Variants in LYPD6 observed in about 807,000 individuals in gnomAD.
The protein encoded by LYPD6 is LY6/PLAUR domain containing 6.
Under a neutral mutation model 22.7 loss-of-function variants are expected in LYPD6, and 15 were observed. The observed-to-expected ratio is 0.66, with a 90% confidence interval of 0.44 to 1.02. The LOEUF is 1.02. Ranked by LOEUF, LYPD6 falls within the 50% of genes least tolerant of loss-of-function variation. The probability of loss-of-function intolerance (pLI) is 0.00; values close to 1 mark genes in which losing one functional copy is unlikely to be tolerated. For missense variants in LYPD6, 189 were observed against 208.4 expected (o/e 0.91, Z 0.57); for synonymous variants, 72 against 77.5 (o/e 0.93, Z 0.37).
intron 1 of LYPD6, among the ~76,000 whole-genome samples, chr2:149,425,366 T>C (rs1329982702): frequency 1.3e-5 from 2 of 152,222 alleles, no homozygotes; most frequent in African/African-American, 4.8e-5. Flanking sequence ...AGTATTATGC[T>C]AGAACTATTA....
At chr2:149,380,080 G>A (rs1385795597) in intron 1 of LYPD6, among the ~76,000 whole-genome samples, 1 of 152,126 alleles carries the variant, frequency 6.6e-6, no homozygotes, top group Non-Finnish European at 1.5e-5. Context: ...GGTATCTGGG[G>A]GAATCTTCCT....
intron 1 of LYPD6, among the ~76,000 whole-genome samples, chr2:149,402,139 A>AG (rs1431150004): frequency 1.3e-5 from 2 of 152,120 alleles, no homozygotes; most frequent in Non-Finnish European, 2.9e-5. Flanking sequence ...TAAAAAAAAA[A>AG]AAGAATAATA....
chr2:149,414,651 T>G (rs1010789735), intron 1 of LYPD6, among the ~76,000 whole-genome samples: 3 of 152,218 alleles, frequency 2.0e-5, no homozygotes, highest in African/African-American at 7.2e-5. Context: ...TGGCCCGTAT[T>G]GAATTCTCAG....
At chr2:149,482,386 C>T in the LYPD6 span, among the ~76,000 whole-genome samples, 24 of 152,284 alleles carry the variant, frequency 1.6e-4, no homozygotes, top group African/African-American at 5.1e-4. Context: ...ATAGACACAA[C>T]AGCTTATTAT....
chr2:149,471,055 C>G lies in LYPD6; in HGVS notation c.*205C>G. 3 of 465,404 alleles carry G rather than the reference C, an allele frequency of 6.4e-6. No individual in the cohort carries two copies. Among genetic ancestry groups the G allele is most frequent in the Non-Finnish European group, 1.2e-5 (3 of 258,944 alleles). 28.8% of individuals were successfully genotyped at this position (465,404 alleles called of 1,614,324 possible). ...GAGTCTAACCGAGACTCATCAAAGC[C>G]TTCTGTCAGTACAGCCCAAGTTCCA... On this transcript the variant is annotated 3_prime_UTR_variant, in exon 5 of 5. Coordinates refer to ENST00000334166, the MANE Select transcript of LYPD6 (RefSeq NM_194317.5).
intron 3 of LYPD6, among the ~76,000 whole-genome samples, chr2:149,450,888 T>C (rs544443059): frequency 7.9e-4 from 121 of 152,340 alleles, no homozygotes; most frequent in Non-Finnish European, 5.9e-4. Context: ...AGAACCATCA[T>C]GAACAGTGAC....
intron 1 of LYPD6, among the ~76,000 whole-genome samples, chr2:149,355,190 G>A (rs1355494813): frequency 6.6e-6 from 1 of 152,134 alleles, no homozygotes; most frequent in Non-Finnish European, 1.5e-5. Context: ...ATGTGCCCAA[G>A]AGAACTACCA....
intron 1 of LYPD6, among the ~76,000 whole-genome samples, chr2:149,421,568 A>G (rs1035534600): frequency 6.6e-6 from 1 of 152,046 alleles, no homozygotes; most frequent in Non-Finnish European, 1.5e-5. Flanking sequence ...CTGTTTTTGT[A>G]GGTCGAAAAT....
At chr2:149,484,288 C>T in the LYPD6 span, among the ~76,000 whole-genome samples, 1 of 152,212 alleles carries the variant, frequency 6.6e-6, no homozygotes, top group South Asian at 2.1e-4. Context: ...CTATCCTGTA[C>T]CTTATTGAAA....
intron 1 of LYPD6, among the ~76,000 whole-genome samples, chr2:149,376,067 C>G (rs1681914290): frequency 6.6e-6 from 1 of 152,180 alleles, no homozygotes; most frequent in Admixed American, 6.5e-5. Flanking sequence ...TGCAAAAACA[C>G]AAAAGGGCTG....
intron 1 of LYPD6, among the ~76,000 whole-genome samples, chr2:149,363,212 T>G (rs1445391136): frequency 1.3e-5 from 2 of 152,196 alleles, no homozygotes; most frequent in African/African-American, 2.4e-5. Flanking sequence ...GCATCTGACC[T>G]TGACTAATCA....
chr2:149,424,653 T>A (rs1683153207), intron 1 of LYPD6, among the ~76,000 whole-genome samples: 1 of 147,614 alleles, frequency 6.8e-6, no homozygotes, highest in South Asian at 2.1e-4. Flanking sequence ...GGAAGTGAAC[T>A]GAGACTTCAG....
chr2:149,343,217 G>A (rs12468365), intron 1 of LYPD6, among the ~76,000 whole-genome samples: 42,150 of 151,906 alleles, frequency 0.28, 6,474 homozygotes, highest in East Asian at 0.62. Context: ...GATCTCTTCC[G>A]GAGAAGCAGT....
intron 2 of LYPD6, among the ~76,000 whole-genome samples, chr2:149,443,891 G>A (rs889241381): frequency 2.0e-5 from 3 of 149,464 alleles, no homozygotes; most frequent in African/African-American, 7.4e-5. Flanking sequence ...AGTTTATTAA[G>A]TGTGGAATAG....
chr2:149,393,529 C>T (rs1388440151), intron 1 of LYPD6, among the ~76,000 whole-genome samples: 1 of 152,128 alleles, frequency 6.6e-6, no homozygotes, highest in Non-Finnish European at 1.5e-5. Context: ...AATTAAGGCC[C>T]ACTGAGTTAG....
chr2:149,436,170 T>C (rs1247404687), intron 1 of LYPD6, among the ~76,000 whole-genome samples: 1 of 152,230 alleles, frequency 6.6e-6, no homozygotes, highest in Non-Finnish European at 1.5e-5. Context: ...TTTTCTGTAC[T>C]GAGTTTCTGT....
chr2:149,346,931 C>T (rs1681267403), intron 1 of LYPD6, among the ~76,000 whole-genome samples: 1 of 152,184 alleles, frequency 6.6e-6, no homozygotes, highest in Non-Finnish European at 1.5e-5. Flanking sequence ...GATCTCTTCA[C>T]CTTATGATCC....
intron 1 of LYPD6, among the ~76,000 whole-genome samples, chr2:149,335,299 A>G (rs1298888271): frequency 6.6e-6 from 1 of 152,200 alleles, no homozygotes; most frequent in Non-Finnish European, 1.5e-5. Flanking sequence ...AGTGATATTG[A>G]TGATCGTAAT....
intron 1 of LYPD6, among the ~76,000 whole-genome samples, chr2:149,388,321 T>G (rs1441305359): frequency 2.0e-5 from 3 of 152,108 alleles, no homozygotes; most frequent in African/African-American, 7.2e-5. Flanking sequence ...GGATGAATCA[T>G]TCACATGAAT....
Sources: gnomAD v4.1 joint callset for allele counts (sites outside exome capture counted in the v4.1 genomes callset) on GRCh38, gnomAD v4.1.1 for gene constraint, MANE v1.5 for transcripts, NCBI Gene and HGNC (gene_info 2026-07-23, HGNC 2026-07-21) for gene names.